MID1: variants seen among roughly 807,000 people sequenced by gnomAD.
MID1 encodes the protein midline 1, also known as E3 ubiquitin-protein ligase Midline-1.
Under a neutral mutation model 40.4 loss-of-function variants are expected in MID1, and 7 were observed. That is an observed-to-expected ratio of 0.17 (90% CI 0.10 to 0.33). MID1 has a LOEUF of 0.33. Ranked by LOEUF, MID1 falls within the 10% of genes least tolerant of loss-of-function variation. MID1 has a pLI of 1.00. For synonymous variants in MID1, 229 were observed against 221.2 expected, an observed-to-expected ratio of 1.04 and a Z score of -0.31; for missense variants, 367 against 558.5, an observed-to-expected ratio of 0.66 and a Z score of 3.46.
In MID1 at chrX:10,529,902, C is replaced by T. The variant is rs538614653; in HGVS notation, c.661-6715G>A. ...ATTCACCGGACAACCCTTCTGAAATCCAATGTAGTAAATCAACTGATTAGT... is the reference window on the plus strand; with the variant it reads ...ATTCACCGGACAACCCTTCTGAAATTCAATGTAGTAAATCAACTGATTAGT... On this transcript the variant is annotated intron_variant, in intron 2 of 9. Transcript: ENST00000317552. 1.2e-3 allele frequency among the ~76,000 whole-genome samples: 140 copies of T among 112,129 alleles called. No homozygotes were observed. In the Middle Eastern group the frequency reaches 0.014, roughly 11 times the overall value.
At chrX:10,789,082 A>G (rs79008459) in intron 1 of MID1, among the ~76,000 whole-genome samples, 17,359 of 111,206 alleles carry the variant, frequency 0.16, 1,397 homozygotes, top group Non-Finnish European at 0.25. Context: ...GGTTCCAGCT[A>G]TTCGGGAGGC....
chrX:10,553,733 A>G (rs1028712334), intron 2 of MID1, among the ~76,000 whole-genome samples: 1 of 111,929 alleles, frequency 8.9e-6, no homozygotes, highest in Non-Finnish European at 1.9e-5. Flanking sequence ...ATGATTCCAT[A>G]TGGATTTCCA....
intron 1 of MID1, among the ~76,000 whole-genome samples, chrX:10,643,564 C>A (rs751703016): frequency 6.3e-5 from 7 of 111,871 alleles, no homozygotes; most frequent in Non-Finnish European, 1.1e-4. Flanking sequence ...GTGGGACTGT[C>A]AACTAGTTCA....
At chrX:10,711,897 A>G (rs1300126072) in intron 1 of MID1, among the ~76,000 whole-genome samples, 2 of 112,010 alleles carry the variant, frequency 1.8e-5, no homozygotes, top group African/African-American at 3.2e-5. Context: ...GGTTACCACA[A>G]CTCAGTGGGA....
intron 1 of MID1, among the ~76,000 whole-genome samples, chrX:10,799,338 G>A (rs900619576): frequency 2.7e-5 from 3 of 111,902 alleles, no homozygotes; most frequent in Admixed American, 1.9e-4. Flanking sequence ...AAAGGAAGTA[G>A]TACTGAGTTT....
chrX:10,685,341 G>A (rs953422675), intron 1 of MID1, among the ~76,000 whole-genome samples: 15 of 111,735 alleles, frequency 1.3e-4, no homozygotes, highest in African/African-American at 4.9e-4. Flanking sequence ...ATTCTCCCTT[G>A]AGGCTAGCCA....
At chrX:10,754,943 G>A (rs1020302240) in intron 1 of MID1, among the ~76,000 whole-genome samples, 13 of 112,028 alleles carry the variant, frequency 1.2e-4, no homozygotes, top group Non-Finnish European at 2.3e-4. Flanking sequence ...ATATGTTTTC[G>A]TATAAGTTTG....
chrX:10,738,960 AAAAG>A (rs1202541146), intron 1 of MID1, among the ~76,000 whole-genome samples: 66 of 110,026 alleles, frequency 6.0e-4, no homozygotes, highest in South Asian at 5.0e-3. Context: ...AAAAAAAAAA[AAAAG>A]AAAGAAAGAA....
intron 3 of MID1, chrX:10,501,267 G>A: frequency 5.6e-6 from 3 of 532,162 alleles, no homozygotes; most frequent in Non-Finnish European, 8.8e-6. Context: ...CGAGATCTCA[G>A]GCTAGGCTCC....
chrX:10,497,450 C>T (rs1931314388), intron 3 of MID1, among the ~76,000 whole-genome samples: 1 of 111,806 alleles, frequency 8.9e-6, no homozygotes, highest in Admixed American at 9.5e-5. Flanking sequence ...GTTCTTCATC[C>T]TTCACCATGC....
chrX:10,457,537 A>G (rs1928754193), intron 8 of MID1, among the ~76,000 whole-genome samples: 1 of 112,347 alleles, frequency 8.9e-6, no homozygotes, highest in African/African-American at 3.2e-5. Context: ...ACTTACATGG[A>G]CAACTCTTTC....
At chrX:10,749,384 G>T (rs1180262829) in intron 1 of MID1, among the ~76,000 whole-genome samples, 4 of 111,606 alleles carry the variant, frequency 3.6e-5, no homozygotes. Flanking sequence ...ACCCCACCCT[G>T]CTGAGTCAGA....
intron 1 of MID1, among the ~76,000 whole-genome samples, chrX:10,696,570 C>G (rs2043165192): frequency 8.9e-6 from 1 of 111,920 alleles, no homozygotes; most frequent in Non-Finnish European, 1.9e-5. Context: ...TGGTCTAAGT[C>G]TTTCTTCTGA....
rs200527782 is a variant in MID1 at position 10,516,607 on chromosome X, T to C, written c.756+6485A>G. ...GTGTGTGTGTGTGTGTGTGTGTGTG[T>C]GTGCGCGCGCGCACGCGTGTGTTTT... On this transcript the variant is annotated intron_variant, in intron 3 of 9. Coordinates refer to ENST00000317552, the MANE Select transcript of MID1 (RefSeq NM_000381.4). 4.8e-3 allele frequency among the ~76,000 whole-genome samples: 257 copies of C among 53,460 alleles called. 4 individuals are homozygous for C. Among genetic ancestry groups the C allele is most frequent in the South Asian group, 0.011 (10 of 951 alleles). The allele number at this position is 53,460 out of a possible 115,157, so 46.4% of individuals were successfully genotyped here.
chrX:10,573,019 C>G (rs1166524930), intron 1 of MID1, among the ~76,000 whole-genome samples: 1 of 112,566 alleles, frequency 8.9e-6, no homozygotes, highest in Admixed American at 9.4e-5. Flanking sequence ...ACTCTAATCA[C>G]TCCCCTAGGC....
intron 1 of MID1, among the ~76,000 whole-genome samples, chrX:10,638,231 G>A (rs1325100886): frequency 1.8e-5 from 2 of 111,983 alleles, no homozygotes; most frequent in African/African-American, 3.2e-5. Flanking sequence ...GGAAGCACAA[G>A]GGGTTGGGGA....
chrX:10,460,794 C>G (rs1928979450), intron 7 of MID1, among the ~76,000 whole-genome samples: 1 of 111,236 alleles, frequency 9.0e-6, no homozygotes, highest in African/African-American at 3.3e-5. Context: ...ACCAGATTCT[C>G]AAGAAGCAGT....
intron 3 of MID1, among the ~76,000 whole-genome samples, chrX:10,520,577 T>C (rs73477258): frequency 0.015 from 1,730 of 112,245 alleles, 28 homozygotes; most frequent in African/African-American, 0.049. Context: ...CTTGAAGGAA[T>C]TCTTATTGCA....
chrX:10,550,729 G>A (rs1933872363), intron 2 of MID1, among the ~76,000 whole-genome samples: 1 of 111,872 alleles, frequency 8.9e-6, no homozygotes, highest in Non-Finnish European at 1.9e-5. Flanking sequence ...ATTTGGGGCT[G>A]GATGACTATC....
Sources: gnomAD v4.1 joint callset for allele counts (sites outside exome capture counted in the v4.1 genomes callset) on GRCh38, gnomAD v4.1.1 for gene constraint, MANE v1.5 for transcripts, NCBI Gene and HGNC (gene_info 2026-07-23, HGNC 2026-07-21) for gene names.